The following VPS39 variants were observed in gnomAD, a reference collection of about 807,000 sequenced individuals.
The protein encoded by VPS39 is VPS39 subunit of HOPS complex, also known as vam6/Vps39-like protein.
In VPS39, 70 loss-of-function variants were observed where a neutral mutation model predicts 121.0. The observed-to-expected ratio is 0.58, with a 90% CI of 0.48 to 0.71. The LOEUF (loss-of-function observed/expected upper bound fraction) is 0.71, where lower values mean the gene tolerates loss of function less well. Among genes scored for constraint, VPS39 ranks in the 30% least tolerant of loss-of-function variants. The pLI, the probability that VPS39 is intolerant of heterozygous loss-of-function variation, is 0.00. For missense variants in VPS39, 818 were observed against 1,051.5 expected, an observed-to-expected ratio of 0.78 and a Z score of 3.07; for synonymous variants, 378 against 398.1, an observed-to-expected ratio of 0.95 and a Z score of 0.60.
chr15:42,206,337 T>A (rs1308428929), intron 1 of VPS39, among the ~76,000 whole-genome samples: 2 of 152,206 alleles, frequency 1.3e-5, no homozygotes, highest in African/African-American at 2.4e-5. Flanking sequence ...TAAAGCACTT[T>A]TGAAGCAGGA....
chr15:42,164,807 G>C, intron 18 of VPS39, 189 bp downstream of exon 18: 1 of 1,435,912 alleles, frequency 7.0e-7, no homozygotes, highest in Non-Finnish European at 9.1e-7. Context: ...GAGATGCCAG[G>C]ACCTAGACAA....
chr15:42,195,381 C>T (rs1195995593), intron 2 of VPS39, among the ~76,000 whole-genome samples: 1 of 152,104 alleles, frequency 6.6e-6, no homozygotes, highest in Non-Finnish European at 1.5e-5. Flanking sequence ...TCAAGTCCAG[C>T]CTGGGCAATC....
chr15:42,173,603 G>T, intron 11 of VPS39, 120 bp downstream of exon 11: 1 of 1,330,048 alleles, frequency 7.5e-7, no homozygotes, highest in Non-Finnish European at 1.0e-6. Context: ...TAGGTATGAG[G>T]ATCAATTTAG....
rs1257230817 is a variant in VPS39, at chr15:42,206,140, T to C, written c.73+1941A>G. ...AAGAAATCATCCTCATCATGTTCTC[T>C]CCTGATTTCTATTTCCCAGGAGACA... On this transcript the variant is annotated intron_variant, in intron 1 of 24. Transcript: ENST00000318006. 3.3e-5 allele frequency among the ~76,000 whole-genome samples: 5 copies of C among 152,202 alleles called. No homozygotes were observed. The East Asian group carries it at 7.7e-4, about 23-fold the overall frequency.
Position 42,169,805 on chromosome 15 carries a change from C to A in VPS39, c.1152G>T (p.Leu384Phe). ...DLLPTDYRKQ[L>F]QYPNPLPVLS... is the part of the protein sequence containing the mutation. Reference sequence around the variant, plus strand: ...GCACAGGCAATGGGTTGGGATACTGCAACTGCTTTCTGTAGTCTGTGGGCA... The same window carrying A: ...GCACAGGCAATGGGTTGGGATACTGAAACTGCTTTCTGTAGTCTGTGGGCA... The change falls in exon 12 of 25, where the codon TTG becomes TTT. Residue 384 changes from leucine (L) to phenylalanine (F), a missense_variant. Coordinates refer to ENST00000318006, the MANE Select transcript of VPS39 (RefSeq NM_015289.5). The A allele has an allele frequency of 6.2e-7, 1 of 1,614,108 alleles. No individual in the cohort carries two copies. Among genetic ancestry groups the A allele is most frequent in the Non-Finnish European group, 8.5e-7 (1 of 1,180,036 alleles).
At chr15:42,168,942 A>G (rs1281560071) in intron 12 of VPS39, among the ~76,000 whole-genome samples, 1 of 152,232 alleles carries the variant, frequency 6.6e-6, no homozygotes, top group Non-Finnish European at 1.5e-5. Context: ...AAGGTCTCTG[A>G]TTCTGAATGG....
intron 13 of VPS39, 81 bp downstream of exon 13, chr15:42,167,313 C>T: frequency 6.5e-7 from 1 of 1,527,056 alleles, no homozygotes; most frequent in Non-Finnish European, 8.8e-7. Context: ...GCAGGTCCCT[C>T]AGGGTCTAGC....
At chr15:42,163,307 A>T in intron 21 of VPS39, 43 bp downstream of exon 21, 1 of 1,612,452 alleles carries the variant, frequency 6.2e-7, no homozygotes, top group South Asian at 1.1e-5. Flanking sequence ...ACCAACGGGG[A>T]GAGGTATGCA....
chr15:42,164,664 A>C (rs2049206918), intron 18 of VPS39, 178 bp from the exon 19 acceptor site: 1 of 1,435,838 alleles, frequency 7.0e-7, no homozygotes, highest in Non-Finnish European at 9.1e-7. Context: ...CCAAAACATC[A>C]GCTTACGGTT....
intron 21 of VPS39, 39 bp downstream of exon 21, chr15:42,163,311 G>T (rs757243581): frequency 1.2e-6 from 2 of 1,612,996 alleles, no homozygotes; most frequent in Non-Finnish European, 1.7e-6. Flanking sequence ...ACGGGGAGAG[G>T]TATGCACACG....
chr15:42,180,790 C>A (rs574322080), intron 8 of VPS39, among the ~76,000 whole-genome samples: 2 of 152,244 alleles, frequency 1.3e-5, no homozygotes, highest in African/African-American at 4.8e-5. Flanking sequence ...TGTGCTATAT[C>A]AAGAATCCGT....
At chr15:42,183,123 G>A (rs2049620071) in intron 8 of VPS39, among the ~76,000 whole-genome samples, 1 of 150,160 alleles carries the variant, frequency 6.7e-6, no homozygotes, top group Non-Finnish European at 1.5e-5. Flanking sequence ...TTTTTGAGGC[G>A]GGAGTCTTGC....
At chr15:42,203,738 A>C (rs531408013) in intron 1 of VPS39, among the ~76,000 whole-genome samples, 2,162 of 152,354 alleles carry the variant, frequency 0.014, 45 homozygotes, top group African/African-American at 0.05. Flanking sequence ...CTTTTAAATC[A>C]ACCTGATTGA....
In VPS39 at chr15:42,160,613, T is replaced by G; in HGVS notation, c.*141A>C. ...ACCATGAGTCTAATTAATTCAGAGTTGTTCCAGGGCACAAGATAGCCAGTA... is the reference window on the plus strand; with the variant it reads ...ACCATGAGTCTAATTAATTCAGAGTGGTTCCAGGGCACAAGATAGCCAGTA... On this transcript the variant is annotated 3_prime_UTR_variant, in exon 25 of 25. Transcript: ENST00000318006. The G allele has an allele frequency of 1.4e-6, 1 of 735,914 alleles. No homozygotes were observed. Among genetic ancestry groups the G allele is most frequent in the Non-Finnish European group, 2.4e-6 (1 of 415,304 alleles). 45.6% of individuals were successfully genotyped at this position (735,914 alleles called of 1,614,324 possible). A position where few individuals can be genotyped will look rare whatever the true frequency, so the allele number is the denominator to read the frequency against.
chr15:42,174,622 A>G (rs931205905), intron 10 of VPS39, among the ~76,000 whole-genome samples: 1 of 152,218 alleles, frequency 6.6e-6, no homozygotes, highest in African/African-American at 2.4e-5. Context: ...GGGGTCCCCA[A>G]TCCAGTCTGA....
At position 42,162,070 on chromosome 15, in the gene VPS39, G is replaced by C. The variant is rs2049139378; in HGVS notation, c.2422C>G (p.Gln808Glu). The C allele has an allele frequency of 1.2e-6, 2 of 1,614,202 alleles. No individual in the cohort carries two copies. Among genetic ancestry groups the C allele is most frequent in the Non-Finnish European group, 1.7e-6 (2 of 1,180,026 alleles). Residue 808 changes from glutamine (Q) to glutamate (E), a missense_variant, in exon 23 of 25, where the codon CAA becomes GAA. By Grantham distance (29) the Gln-to-Glu change is conservative. Coordinates refer to ENST00000318006, the MANE Select transcript of VPS39 (RefSeq NM_015289.5). ...GCATGGAGAAGGTTCTTGAGCACTT[G>C]ATTGAACCGTTTCTTTTGTGCATTT... The part of the protein sequence containing the change: ...EENAQKKRFN[Q>E]VLKNLLHAEF...
rs1039672042 is a variant in VPS39, at chr15:42,163,498, T to C, written c.2130-103A>G. 7.0e-6 allele frequency: 11 copies of C among 1,565,666 alleles called. No individual in the cohort carries two copies. The Middle Eastern group carries it at 5.1e-4, about 72-fold the overall frequency. ...CGAGCAGCCTAACCACAGCCAAAAC[T>C]GCGGGCCAGGACGGAGGCGATTCTT... On this transcript the variant is annotated intron_variant, in intron 20 of 24. Coordinates refer to ENST00000318006, the MANE Select transcript of VPS39 (RefSeq NM_015289.5).
intron 4 of VPS39, among the ~76,000 whole-genome samples, chr15:42,190,850 G>C (rs1373651299): frequency 2.6e-5 from 4 of 152,114 alleles, no homozygotes. Context: ...ACTGAACTTG[G>C]TATCCCGAAT....
chr15:42,190,265 T>A (rs941280068), intron 4 of VPS39, among the ~76,000 whole-genome samples: 6 of 152,244 alleles, frequency 3.9e-5, no homozygotes, highest in Non-Finnish European at 8.8e-5. Context: ...ATGGCAATGA[T>A]TTCTTTCCTA....
Sources: allele counts gnomAD v4.1 joint callset (sites outside exome capture counted in the v4.1 genomes callset), GRCh38; gene constraint gnomAD v4.1.1; transcripts MANE v1.5; gene names NCBI Gene and HGNC (gene_info 2026-07-23, HGNC 2026-07-21).